The following GSDMC variants were observed in gnomAD, a reference collection of about 807,000 sequenced individuals.
GSDMC encodes the protein gasdermin-C.
Under a neutral mutation model 58.0 loss-of-function variants are expected in GSDMC, and 59 were observed. That is an observed-to-expected ratio of 1.02 (90% CI 0.82 to 1.26). The LOEUF (loss-of-function observed/expected upper bound fraction) is 1.26, where lower values mean the gene tolerates loss of function less well. Ranked by LOEUF, GSDMC falls within the 50% of genes most tolerant of loss-of-function variation. The pLI, the probability that GSDMC is intolerant of heterozygous loss-of-function variation, is 0.00. For missense variants in GSDMC, 659 were observed against 598.5 expected (o/e 1.10, Z -1.06); for synonymous variants, 241 against 220.2 (o/e 1.09, Z -0.83).
intron 2 of GSDMC, among the ~76,000 whole-genome samples, chr8:129,776,875 C>T (rs560488532): frequency 1.9e-4 from 29 of 152,088 alleles, no homozygotes; most frequent in African/African-American, 5.3e-4. Context: ...ATTATTGAGC[C>T]TCAGCCTCCC....
At chr8:129,769,504 C>T (rs932904697) in intron 3 of GSDMC, among the ~76,000 whole-genome samples, 5 of 152,066 alleles carry the variant, frequency 3.3e-5, no homozygotes, top group Non-Finnish European at 7.4e-5. Flanking sequence ...CAGAGCATGG[C>T]ACCAGTATTT....
At chr8:129,730,124 C>T in the GSDMC span, 7 of 978,780 alleles carry the variant, frequency 7.2e-6, no homozygotes, top group South Asian at 1.9e-5. Context: ...TTCTGAATGC[C>T]AACAAGAGAG....
At chr8:129,774,539 AAAG>A (rs2034161900) in intron 3 of GSDMC, among the ~76,000 whole-genome samples, 1 of 151,312 alleles carries the variant, frequency 6.6e-6, no homozygotes, top group African/African-American at 2.4e-5. Flanking sequence ...AAAAAAAAAA[AAAG>A]AAAAGAAAAG....
chr8:129,769,594 C>G (rs1401762593), intron 3 of GSDMC, among the ~76,000 whole-genome samples: 1 of 152,158 alleles, frequency 6.6e-6, no homozygotes, highest in African/African-American at 2.4e-5. Context: ...CTGAACTTCA[C>G]CCTTTTGTCA....
At chr8:129,760,911 G>C (rs1461591220) in intron 5 of GSDMC, among the ~76,000 whole-genome samples, 1 of 152,086 alleles carries the variant, frequency 6.6e-6, no homozygotes, top group African/African-American at 2.4e-5. Flanking sequence ...TCTCAATTTG[G>C]CATCTTCTTG....
chr8:129,772,571 C>A (rs1485126705), intron 3 of GSDMC, among the ~76,000 whole-genome samples: 1 of 151,908 alleles, frequency 6.6e-6, no homozygotes, highest in Non-Finnish European at 1.5e-5. Context: ...GAGATTGAGT[C>A]ATGAAGAAAT....
At chr8:129,773,167 T>C (rs1285742595) in intron 3 of GSDMC, among the ~76,000 whole-genome samples, 1 of 152,180 alleles carries the variant, frequency 6.6e-6, no homozygotes, top group African/African-American at 2.4e-5. Context: ...GCTAACATTA[T>C]GCTCAATGTT....
chr8:129,782,398 A>G (rs1203416833), intron 1 of GSDMC, among the ~76,000 whole-genome samples: 1 of 152,158 alleles, frequency 6.6e-6, no homozygotes, highest in East Asian at 1.9e-4. Context: ...AATTAAGAAA[A>G]CAATACAAAA....
chr8:129,738,090 A>G, the GSDMC span, among the ~76,000 whole-genome samples: 1 of 152,270 alleles, frequency 6.6e-6, no homozygotes, highest in Admixed American at 6.5e-5. Flanking sequence ...TGGCCATAAG[A>G]GAAATGCAAA....
intron 3 of GSDMC, among the ~76,000 whole-genome samples, chr8:129,774,819 C>T (rs928602355): frequency 4.6e-5 from 7 of 152,108 alleles, no homozygotes; most frequent in Non-Finnish European, 7.4e-5. Flanking sequence ...CTAACAGGCA[C>T]ATGAAATTGT....
At chr8:129,723,187 C>T in the GSDMC span, among the ~76,000 whole-genome samples, 93 of 152,324 alleles carry the variant, frequency 6.1e-4, 1 homozygote, top group African/African-American at 2.0e-3. Context: ...CCTTGACACT[C>T]ACCCTCTGCA....
chr8:129,752,401 G>A (rs1261216877), intron 7 of GSDMC, among the ~76,000 whole-genome samples: 2 of 152,312 alleles, frequency 1.3e-5, no homozygotes, highest in Non-Finnish European at 2.9e-5. Context: ...GGGGACAGTG[G>A]CTGGGTCAGA....
the GSDMC span, among the ~76,000 whole-genome samples, chr8:129,733,480 G>A: frequency 8.1e-4 from 123 of 152,314 alleles, no homozygotes; most frequent in African/African-American, 2.8e-3. Flanking sequence ...GGATCAGGCA[G>A]CAATATTTGC....
At chr8:129,765,521 T>C in intron 4 of GSDMC, 107 bp downstream of exon 4, 1 of 808,026 alleles carries the variant, frequency 1.2e-6, no homozygotes, top group Middle Eastern at 2.2e-4. Flanking sequence ...CTCCATCCCT[T>C]GTAATCCCTG....
intron 7 of GSDMC, among the ~76,000 whole-genome samples, 185 bp from the exon 8 acceptor site, chr8:129,752,332 A>G (rs535368761): frequency 1.3e-5 from 2 of 152,264 alleles, no homozygotes; most frequent in Non-Finnish European, 2.9e-5. Context: ...CTCTTTCCCC[A>G]ACAGACTCAC....
intron 3 of GSDMC, among the ~76,000 whole-genome samples, chr8:129,774,701 C>G (rs941669288): frequency 2.6e-5 from 4 of 152,016 alleles, no homozygotes; most frequent in African/African-American, 9.7e-5. Context: ...ATATAAGGAA[C>G]TCATACGGCT....
intron 6 of GSDMC, among the ~76,000 whole-genome samples, chr8:129,757,160 A>G (rs2130396601): frequency 6.6e-6 from 1 of 152,074 alleles, no homozygotes; most frequent in South Asian, 2.1e-4. Flanking sequence ...AACTTTAGCC[A>G]GAACAATAAA....
intron 1 of GSDMC, among the ~76,000 whole-genome samples, chr8:129,780,527 G>A (rs769328826): frequency 1.3e-5 from 2 of 152,084 alleles, no homozygotes; most frequent in Non-Finnish European, 2.9e-5. Flanking sequence ...TTTTACCCTA[G>A]AATAATATAT....
intron 7 of GSDMC, 82 bp downstream of exon 7, chr8:129,752,616 C>G: frequency 6.4e-7 from 1 of 1,553,998 alleles, no homozygotes; most frequent in Non-Finnish European, 8.7e-7. Flanking sequence ...ATACACCCCA[C>G]ATAAACACCA....
Sources: gnomAD v4.1 joint callset for allele counts (sites outside exome capture counted in the v4.1 genomes callset) on GRCh38, gnomAD v4.1.1 for gene constraint, MANE v1.5 for transcripts, NCBI Gene and HGNC (gene_info 2026-07-23, HGNC 2026-07-21) for gene names.